Variants in CERK observed in about 807,000 individuals in gnomAD.
The protein encoded by CERK is ceramide kinase, also known as acylsphingosine kinase.
CERK carries 39 observed loss-of-function variants against 63.4 expected under a neutral mutation model. The ratio of observed to expected loss-of-function variants is 0.61; its 90% CI spans 0.48 to 0.80. CERK has a LOEUF of 0.80. Ranked by LOEUF, CERK falls within the 30% of genes least tolerant of loss-of-function variation. The pLI is 0.00. For synonymous variants in CERK, 302 were observed against 280.0 expected, an observed-to-expected ratio of 1.08 and a Z score of -0.78; for missense variants, 670 against 714.1, an observed-to-expected ratio of 0.94 and a Z score of 0.70.
At chr22:46,689,113 C>A (rs1381249211) in intron 12 of CERK, among the ~76,000 whole-genome samples, 1 of 152,244 alleles carries the variant, frequency 6.6e-6, no homozygotes, top group Non-Finnish European at 1.5e-5. Context: ...GCACCTGCCC[C>A]AGGGAGACCG....
At chr22:46,692,555 T>A (rs2082737086) in intron 10 of CERK, among the ~76,000 whole-genome samples, 1 of 151,146 alleles carries the variant, frequency 6.6e-6, no homozygotes, top group Non-Finnish European at 1.5e-5. Flanking sequence ...TGAGCCGAGA[T>A]CGCGCCACTG....
chr22:46,726,093 T>C (rs1455742056), intron 1 of CERK, among the ~76,000 whole-genome samples: 2 of 152,226 alleles, frequency 1.3e-5, no homozygotes, highest in Non-Finnish European at 2.9e-5. Flanking sequence ...CACGGGGCAC[T>C]GAGTGTCTGC....
At chr22:46,701,976 T>C (rs1240630174) in intron 6 of CERK, among the ~76,000 whole-genome samples, 1 of 151,772 alleles carries the variant, frequency 6.6e-6, no homozygotes. Flanking sequence ...AGGTCAGGAG[T>C]TCGAGACCAG....
chr22:46,721,473 A>T (rs192549263), intron 1 of CERK, among the ~76,000 whole-genome samples: 83 of 152,116 alleles, frequency 5.5e-4, no homozygotes, highest in African/African-American at 1.6e-3. Context: ...GTCACTTTTA[A>T]ACTCACAAAT....
chr22:46,726,895 G>C (rs1424593947), intron 1 of CERK, among the ~76,000 whole-genome samples: 1 of 152,156 alleles, frequency 6.6e-6, no homozygotes, highest in Non-Finnish European at 1.5e-5. Context: ...GACTTATCCA[G>C]ACGCGACTGC....
At chr22:46,712,412 A>G (rs1343891250) in intron 3 of CERK, 119 bp from the exon 4 acceptor site, 10 of 835,242 alleles carry the variant, frequency 1.2e-5, no homozygotes, top group Admixed American at 5.7e-5. Flanking sequence ...TACCTGATGG[A>G]AAGTATTTTT....
intron 3 of CERK, among the ~76,000 whole-genome samples, chr22:46,718,891 T>C (rs1013568830): frequency 3.9e-5 from 6 of 151,918 alleles, no homozygotes; most frequent in Non-Finnish European, 5.9e-5. Context: ...CTGGGCAATA[T>C]GGCAAAACCC....
rs529728392 is a variant in CERK, at chr22:46,727,065, T to C, written c.143-6050A>G. On this transcript the variant is annotated intron_variant, in intron 1 of 12. Coordinates refer to ENST00000216264, the MANE Select transcript of CERK (RefSeq NM_022766.6). Reference sequence around the variant, plus strand: ...CAAATCTAACAAAGAAAAAAATCTGTGGCCAAATTTAGCCCAAAGACCTCT... The same window carrying C: ...CAAATCTAACAAAGAAAAAAATCTGCGGCCAAATTTAGCCCAAAGACCTCT... 1.6e-4 allele frequency among the ~76,000 whole-genome samples: 24 copies of C among 152,284 alleles called. No individual in the cohort carries two copies. In the South Asian group the frequency reaches 5.0e-3, roughly 32 times the overall value.
At chr22:46,695,354 G>T in intron 8 of CERK, 39 bp from the exon 9 acceptor site, 5 of 1,181,828 alleles carry the variant, frequency 4.2e-6, no homozygotes, top group East Asian at 2.3e-5. Context: ...CATCCACAAG[G>T]GTCATTGCTT....
intron 12 of CERK, among the ~76,000 whole-genome samples, chr22:46,687,664 T>C (rs2082709997): frequency 6.7e-6 from 1 of 149,344 alleles, no homozygotes; most frequent in Non-Finnish European, 1.5e-5. Context: ...TCAATGCGTG[T>C]AAGAGATGTG....
rs569127817 is a variant in CERK, at chr22:46,693,412, T to C, written c.1126+15A>G. On this transcript the variant is annotated intron_variant, in intron 10 of 12. Coordinates refer to ENST00000216264, the MANE Select transcript of CERK (RefSeq NM_022766.6). ...ACACACAGTGACAACACTGAGCCTG[T>C]GTTTTAGGAATTACCCGCAGCTTCC... 5.6e-6 allele frequency: 9 copies of C among 1,611,426 alleles called. No individual in the cohort carries two copies. The East Asian group carries it at 1.6e-4, about 28-fold the overall frequency.
chr22:46,738,177 G>A lies in CERK; in HGVS notation c.-29C>T, dbSNP rs2082985740. On this transcript the variant is annotated 5_prime_UTR_variant, in exon 1 of 13. Transcript: ENST00000216264. ...CGCCGCCGGGCTCGTCCGCCAGGCT[G>A]GGGGCGCGCGGACGCCGAGGGGCGC... 1.8e-6 allele frequency: 2 copies of A among 1,128,408 alleles called. No homozygotes were observed. Among genetic ancestry groups the A allele is most frequent in the East Asian group, 1.0e-4 (2 of 19,658 alleles). The allele number at this position is 1,128,408 out of a possible 1,614,324, so 69.9% of individuals were successfully genotyped here. A position where few individuals can be genotyped will look rare whatever the true frequency, so the allele number is the denominator to read the frequency against.
chr22:46,724,328 G>A (rs931237683), intron 1 of CERK, among the ~76,000 whole-genome samples: 9 of 152,170 alleles, frequency 5.9e-5, no homozygotes, highest in Non-Finnish European at 1.3e-4. Context: ...TTATCGCAAG[G>A]CGTCCAGTCA....
intron 8 of CERK, 86 bp downstream of exon 8, chr22:46,699,227 G>C (rs950071642): frequency 7.2e-7 from 1 of 1,389,936 alleles, no homozygotes. Context: ...ACCTCTGACG[G>C]TGCTCAGTGG....
At chr22:46,720,255 C>T (rs2082885728) in intron 2 of CERK, 47 bp from the exon 3 acceptor site, 3 of 1,574,844 alleles carry the variant, frequency 1.9e-6, no homozygotes, top group Non-Finnish European at 1.7e-6. Context: ...TGCAGGGTCA[C>T]TGACAAAACC....
chr22:46,727,310 C>T (rs2082923421), intron 1 of CERK, among the ~76,000 whole-genome samples: 1 of 151,872 alleles, frequency 6.6e-6, no homozygotes, highest in East Asian at 1.9e-4. Context: ...AGACAGGTCT[C>T]ACTGTGTCAC....
chr22:46,693,895 GT>G, intron 9 of CERK: 1 of 241,128 alleles, frequency 4.1e-6, no homozygotes, highest in Non-Finnish European at 8.3e-6. Context: ...GGGTTTATCT[GT>G]TACAGTCAAT....
At chr22:46,700,930 G>C (rs1246214231) in intron 7 of CERK, among the ~76,000 whole-genome samples, 2 of 151,454 alleles carry the variant, frequency 1.3e-5, no homozygotes. Flanking sequence ...AGAATCGCTT[G>C]AACTTGGGAG....
Position 46,691,667 on chromosome 22 carries a change from A to C in CERK, c.1237T>G (p.Leu413Val). 1 of 1,613,988 alleles carries C rather than the reference A, an allele frequency of 6.2e-7. No homozygotes were observed. The highest frequency in any genetic ancestry group is 1.1e-5 in the South Asian group (1 of 91,076). The change falls in exon 11 of 13, where the codon TTG becomes GTG. Residue 413 changes from leucine (L) to valine (V), a missense_variant. Transcript: ENST00000216264. The stretch of plus-strand genomic sequence containing the variant: ...ATGAGGTCAGAAGACCCGTCTCCCA[A>C]GTGGGCAGCCGGGGAGAGGCCCCTG... ...SPRGLSPAAH[L>V]GDGSSDLILI...
Sources: allele counts gnomAD v4.1 joint callset (sites outside exome capture counted in the v4.1 genomes callset), GRCh38; gene constraint gnomAD v4.1.1; transcripts MANE v1.5; gene names NCBI Gene and HGNC (gene_info 2026-07-23, HGNC 2026-07-21).